Variants in CTCFL observed in about 807,000 individuals in gnomAD.
The protein encoded by CTCFL is transcriptional repressor CTCFL.
In CTCFL, 36 loss-of-function variants were observed where a neutral mutation model predicts 67.4. The observed-to-expected ratio is 0.53, with a 90% confidence interval of 0.41 to 0.71. CTCFL has a LOEUF of 0.71. Ranked by LOEUF, CTCFL falls within the 30% of genes least tolerant of loss-of-function variation. The probability of loss-of-function intolerance (pLI) is 0.00; values close to 1 mark genes in which losing one functional copy is unlikely to be tolerated. For missense variants in CTCFL, 786 were observed against 835.2 expected, an observed-to-expected ratio of 0.94 and a Z score of 0.73; for synonymous variants, 324 against 302.3, an observed-to-expected ratio of 1.07 and a Z score of -0.75.
At chr20:57,507,575 G>A (rs751487094) in intron 9 of CTCFL, 51 of 702,766 alleles carry the variant, frequency 7.3e-5, no homozygotes, top group Non-Finnish European at 1.2e-4. Context: ...TCTGAGTCAG[G>A]AGGACACTCA....
chr20:57,511,156 CT>C (rs2068525762), intron 8 of CTCFL, among the ~76,000 whole-genome samples: 4 of 152,280 alleles, frequency 2.6e-5, no homozygotes, highest in African/African-American at 9.6e-5. Context: ...ATCCTCCAAC[CT>C]TAGCCTCCTG....
chr20:57,515,951 G>A (rs1006351841), intron 5 of CTCFL, 117 bp from the exon 6 acceptor site: 2 of 1,182,450 alleles, frequency 1.7e-6, no homozygotes, highest in Admixed American at 2.5e-5. Flanking sequence ...CAGAGCACCA[G>A]AGCATATTTC....
At chr20:57,510,968 T>G (rs2068514847) in intron 8 of CTCFL, among the ~76,000 whole-genome samples, 1 of 152,232 alleles carries the variant, frequency 6.6e-6, no homozygotes. Context: ...ACATGTAGTT[T>G]GAAAAGAGAG....
At chr20:57,499,952 G>A (rs1192330621) in intron 10 of CTCFL, 13 of 986,328 alleles carry the variant, frequency 1.3e-5, no homozygotes, top group East Asian at 2.3e-4. Flanking sequence ...CCACGGCTGG[G>A]GGGTTGGGGA....
At position 57,502,216 on chromosome 20, in the gene CTCFL, C is replaced by T. The variant is rs185943758; in HGVS notation, c.1840+1220G>A. Reference sequence around the variant, plus strand: ...CTTAGGGCTTTGCCAGATGGTGAGACGCAGAGAAAGAGTGGGGGAGTGCTG... The same window carrying T: ...CTTAGGGCTTTGCCAGATGGTGAGATGCAGAGAAAGAGTGGGGGAGTGCTG... On this transcript the variant is annotated intron_variant, in intron 10 of 10. Coordinates refer to ENST00000243914, the MANE Select transcript of CTCFL (RefSeq NM_001386993.1). Among the ~76,000 whole-genome samples, 844 of 152,198 alleles carry T rather than the reference C, an allele frequency of 5.5e-3. 3 individuals are homozygous for T. The highest frequency in any genetic ancestry group is 0.026 in the South Asian group (124 of 4,818).
At position 57,497,265 on chromosome 20, in the gene CTCFL, T is replaced by C; in HGVS notation, c.*1285A>G. On this transcript the variant is annotated 3_prime_UTR_variant, in exon 11 of 11. Coordinates refer to ENST00000243914, the MANE Select transcript of CTCFL (RefSeq NM_001386993.1). ...CATTGCACAAATTCAGTCACAATGA[T>C]GGCATACTACAGCCCACAGAATTTA... is the stretch of plus-strand genomic sequence containing the variant. The C allele has an allele frequency of 1.0e-6, 1 of 980,812 alleles. No homozygotes were observed. Among genetic ancestry groups the C allele is most frequent in the Non-Finnish European group, 1.2e-6 (1 of 825,724 alleles). 60.8% of individuals were successfully genotyped at this position (980,812 alleles called of 1,614,324 possible). A position where few individuals can be genotyped will look rare whatever the true frequency, so the allele number is the denominator to read the frequency against.
intron 9 of CTCFL, among the ~76,000 whole-genome samples, chr20:57,505,171 T>C (rs989418527): frequency 8.6e-5 from 13 of 151,952 alleles, no homozygotes; most frequent in Admixed American, 8.5e-4. Flanking sequence ...ACCCTTTCTG[T>C]TGTGCTTAGC....
intron 8 of CTCFL, among the ~76,000 whole-genome samples, chr20:57,510,736 G>A (rs1185005071): frequency 2.0e-5 from 3 of 152,164 alleles, no homozygotes; most frequent in Non-Finnish European, 4.4e-5. Context: ...GGTGGGGGCC[G>A]CCTGTAGTCC....
intron 9 of CTCFL, chr20:57,507,709 C>T (rs1008733273): frequency 2.6e-5 from 18 of 702,864 alleles, no homozygotes; most frequent in Non-Finnish European, 4.4e-5. Context: ...GCAGCCCTGG[C>T]GGACATCCTG....
chr20:57,500,211 T>C, intron 10 of CTCFL: 3 of 1,031,892 alleles, frequency 2.9e-6, no homozygotes, highest in African/African-American at 1.8e-5. Flanking sequence ...ATGCCTGTAA[T>C]CCCACCACTT....
intron 3 of CTCFL, 59 bp from the exon 4 acceptor site, chr20:57,519,436 G>A: frequency 6.8e-7 from 1 of 1,467,518 alleles, no homozygotes; most frequent in Non-Finnish European, 9.5e-7. Context: ...TTAAATACTT[G>A]AAAGTAAATC....
rs1261947632 is a variant in CTCFL at position 57,524,086 on chromosome 20, G to A, written c.120C>T (p.Asp40=). The A allele has an allele frequency of 4.3e-6, 7 of 1,613,610 alleles. No individual in the cohort carries two copies. Among genetic ancestry groups the A allele is most frequent in the Non-Finnish European group, 5.1e-6 (6 of 1,179,982 alleles). The stretch of plus-strand genomic sequence containing the variant: ...CCTCCAACTCACTAGGGCTCCGATG[G>A]TCTTTCTCTCTGCACACTCCGTCTT... ...EEKDGVCREK[D]HRSPSELEAE... The change falls in exon 2 of 11, where the codon GAC becomes GAT. Residue 40 remains aspartate, a synonymous_variant. Coordinates refer to ENST00000243914, the MANE Select transcript of CTCFL (RefSeq NM_001386993.1).
intron 8 of CTCFL, among the ~76,000 whole-genome samples, chr20:57,511,335 T>C (rs1217236062): frequency 1.1e-4 from 17 of 152,126 alleles, no homozygotes. Context: ...CCAGTGTGTC[T>C]GGCCATGGTA....
chr20:57,499,170 G>C (rs2067799191), intron 10 of CTCFL, among the ~76,000 whole-genome samples: 1 of 151,548 alleles, frequency 6.6e-6, no homozygotes, highest in African/African-American at 2.4e-5. Context: ...GCGGATCTCA[G>C]AGATTTATAT....
Position 57,512,503 on chromosome 20 carries a change from C to A in CTCFL, c.1491+89G>T, listed in dbSNP as rs150155465. ...CTACTCTATTAAAAGCATGACTTTT[C>A]TCAGTATCTTCAAGGTGGTAGAGAA... On this transcript the variant is annotated intron_variant, in intron 8 of 10. Coordinates refer to ENST00000243914, the MANE Select transcript of CTCFL (RefSeq NM_001386993.1). 535 of 1,309,132 alleles carry A rather than the reference C, an allele frequency of 4.1e-4. 1 individual carries two copies. In the African/African-American group the frequency reaches 5.5e-3, roughly 14 times the overall value. 81.1% of individuals were successfully genotyped at this position (1,309,132 alleles called of 1,614,324 possible). A position where few individuals can be genotyped will look rare whatever the true frequency, so the allele number is the denominator to read the frequency against.
intron 7 of CTCFL, chr20:57,513,635 T>C: frequency 8.5e-7 from 1 of 1,174,616 alleles, no homozygotes; most frequent in South Asian, 1.7e-5. Context: ...CTGTGTTTTG[T>C]GATGTGCTGG....
At chr20:57,507,756 C>A (rs1460776556) in intron 9 of CTCFL, 7 of 702,866 alleles carry the variant, frequency 1.0e-5, no homozygotes, top group Admixed American at 4.0e-5. Context: ...CCAGGACCAC[C>A]CAGTTCAGCC....
chr20:57,522,180 C>T (rs1270813484), intron 3 of CTCFL, among the ~76,000 whole-genome samples: 1 of 152,152 alleles, frequency 6.6e-6, no homozygotes, highest in Non-Finnish European at 1.5e-5. Context: ...GCCCTGACCA[C>T]ATGTAAGAAT....
At chr20:57,525,637 G>C (rs1448785577), upstream of CTCFL, 1 of 57,858 alleles carries the variant, frequency 1.7e-5, no homozygotes, top group East Asian at 6.5e-4. Context: ...TGAGATACTG[G>C]GGGGAGGGGT....
Sources: allele counts gnomAD v4.1 joint callset (sites outside exome capture counted in the v4.1 genomes callset), GRCh38; gene constraint gnomAD v4.1.1; transcripts MANE v1.5; gene names NCBI Gene and HGNC (gene_info 2026-07-23, HGNC 2026-07-21).